ATL2: variants seen among roughly 807,000 people sequenced by gnomAD.
The protein encoded by ATL2 is atlastin GTPase 2, also known as atlastin-2.
In ATL2, 31 loss-of-function variants were observed where a neutral mutation model predicts 73.9. The observed-to-expected ratio is 0.42, with a 90% CI of 0.32 to 0.57. The LOEUF (loss-of-function observed/expected upper bound fraction) is 0.57, where lower values mean the gene tolerates loss of function less well. Among genes scored for constraint, ATL2 ranks in the 20% least tolerant of loss-of-function variants. The pLI, the probability that ATL2 is intolerant of heterozygous loss-of-function variation, is 0.14. For missense variants in ATL2, 738 were observed against 702.6 expected, an observed-to-expected ratio of 1.05 and a Z score of -0.57; for synonymous variants, 291 against 237.5, an observed-to-expected ratio of 1.23 and a Z score of -2.07.
intron 1 of ATL2, among the ~76,000 whole-genome samples, chr2:38,369,831 G>A (rs1385389641): frequency 1.3e-5 from 2 of 151,850 alleles, no homozygotes; most frequent in East Asian, 2.0e-4. Flanking sequence ...GTGTTTTCCC[G>A]TCAAAACTCC....
chr2:38,300,372 T>A (rs1263730490), intron 9 of ATL2, 44 bp from the exon 10 acceptor site: 1 of 1,366,514 alleles, frequency 7.3e-7, no homozygotes, highest in Non-Finnish European at 1.0e-6. Context: ...TTATGCAATT[T>A]GGCTCCACAT....
At chr2:38,320,832 GCAAAAACAAAAA>G (rs933990260) in intron 2 of ATL2, among the ~76,000 whole-genome samples, 1 of 151,850 alleles carries the variant, frequency 6.6e-6, no homozygotes, top group Non-Finnish European at 1.5e-5. Flanking sequence ...ACACACAGTG[GCAAAAACAAAAA>G]CAAAAACAAA....
intron 1 of ATL2, among the ~76,000 whole-genome samples, chr2:38,343,994 T>C (rs1006544112): frequency 6.6e-6 from 1 of 152,312 alleles, no homozygotes; most frequent in Non-Finnish European, 1.5e-5. Flanking sequence ...AACCTCTTTC[T>C]TTTGTAAATT....
intron 9 of ATL2, among the ~76,000 whole-genome samples, chr2:38,305,093 G>A (rs1667378920): frequency 6.6e-6 from 1 of 151,914 alleles, no homozygotes; most frequent in African/African-American, 2.4e-5. Context: ...AAAAAGAGCA[G>A]AAGAAGCTAC....
Position 38,295,860 on chromosome 2 carries a change from C to A in ATL2, c.*134G>T. Reference sequence around the variant, plus strand: ...AACAAACAATCTTCACACTCTGTGGCAGCCATCTGTGAAGCCAGTTACACT... The same window carrying A: ...AACAAACAATCTTCACACTCTGTGGAAGCCATCTGTGAAGCCAGTTACACT... On this transcript the variant is annotated 3_prime_UTR_variant, in exon 13 of 13. Transcript: ENST00000378954. 2.9e-6 allele frequency: 2 copies of A among 698,220 alleles called. No homozygotes were observed. Among genetic ancestry groups the A allele is most frequent in the Non-Finnish European group, 4.6e-6 (2 of 434,086 alleles). The allele number at this position is 698,220 out of a possible 1,614,324, so 43.3% of individuals were successfully genotyped here. A position where few individuals can be genotyped will look rare whatever the true frequency, so the allele number is the denominator to read the frequency against.
At chr2:38,338,175 G>A (rs1287136952) in intron 2 of ATL2, among the ~76,000 whole-genome samples, 1 of 152,178 alleles carries the variant, frequency 6.6e-6, no homozygotes, top group Non-Finnish European at 1.5e-5. Context: ...GGATGCTGCT[G>A]GAGGCCATTA....
chr2:38,370,918 A>G (rs1012040028), intron 1 of ATL2, among the ~76,000 whole-genome samples: 3 of 151,830 alleles, frequency 2.0e-5, no homozygotes, highest in African/African-American at 7.3e-5. Flanking sequence ...TGATTGAGCC[A>G]CTGCACTCCA....
At chr2:38,305,337 C>G (rs977159669) in intron 9 of ATL2, among the ~76,000 whole-genome samples, 8 of 152,162 alleles carry the variant, frequency 5.3e-5, no homozygotes, top group Admixed American at 3.3e-4. Flanking sequence ...CACTTGACGT[C>G]AGGAGTTTGA....
At chr2:38,361,315 C>G (rs916822730) in intron 1 of ATL2, among the ~76,000 whole-genome samples, 1 of 143,724 alleles carries the variant, frequency 7.0e-6, no homozygotes, top group Non-Finnish European at 1.5e-5. Context: ...GATCGCGCCA[C>G]TGCACGCCAG....
chr2:38,335,770 G>A (rs561692389), intron 2 of ATL2, among the ~76,000 whole-genome samples: 208 of 152,212 alleles, frequency 1.4e-3, no homozygotes, highest in African/African-American at 4.7e-3. Flanking sequence ...GGCCGGGCGC[G>A]GTGGCTCACG....
chr2:38,369,508 G>C (rs1383209614), intron 1 of ATL2, among the ~76,000 whole-genome samples: 1 of 150,366 alleles, frequency 6.7e-6, no homozygotes, highest in Non-Finnish European at 1.5e-5. Flanking sequence ...GGCTGGTCTC[G>C]AACTCCTGAC....
intron 1 of ATL2, among the ~76,000 whole-genome samples, chr2:38,357,651 CAAAAAAAAAAAAAA>C (rs1212548216): frequency 2.6e-4 from 17 of 66,352 alleles, no homozygotes; most frequent in Non-Finnish European, 4.7e-4. Context: ...GACTCCGTCT[CAAAAAAAAAAAAAA>C]AAAAAAACCT....
intron 2 of ATL2, among the ~76,000 whole-genome samples, chr2:38,340,359 G>C (rs1349772604): frequency 6.6e-6 from 1 of 151,652 alleles, no homozygotes; most frequent in East Asian, 1.9e-4. Flanking sequence ...TTAAGGAAAA[G>C]ATACATTTAT....
intron 2 of ATL2, among the ~76,000 whole-genome samples, chr2:38,331,070 G>T (rs1668959386): frequency 6.6e-6 from 1 of 151,934 alleles, no homozygotes; most frequent in African/African-American, 2.4e-5. Context: ...TGGGAGGCAG[G>T]CAGATTGCCT....
intron 2 of ATL2, among the ~76,000 whole-genome samples, chr2:38,332,258 G>T (rs942005984): frequency 2.0e-5 from 3 of 152,234 alleles, no homozygotes; most frequent in Admixed American, 1.3e-4. Flanking sequence ...CCAGACTGGA[G>T]TGCAATAGCA....
intron 1 of ATL2, among the ~76,000 whole-genome samples, chr2:38,367,812 T>C (rs972319518): frequency 4.0e-5 from 6 of 151,310 alleles, no homozygotes; most frequent in Non-Finnish European, 8.8e-5. Context: ...TTTGTATTTT[T>C]AGTAGAGATG....
At chr2:38,315,473 A>G in intron 4 of ATL2, 139 bp from the exon 5 acceptor site, 2 of 833,392 alleles carry the variant, frequency 2.4e-6, no homozygotes, top group Non-Finnish European at 3.5e-6. Context: ...TTGACAACTG[A>G]CATGTGAAAA....
rs1244489584 is a variant in ATL2 at position 38,296,070 on chromosome 2, C to T, written c.1676G>A (p.Arg559Lys). The T allele has an allele frequency of 6.4e-7, 1 of 1,551,532 alleles. No homozygotes were observed. Among genetic ancestry groups the T allele is most frequent in the South Asian group, 1.2e-5 (1 of 84,042 alleles). The change falls in exon 13 of 13, where the codon AGG becomes AAG. Residue 559 changes from arginine (R) to lysine (K), a missense_variant. Coordinates refer to ENST00000378954, the MANE Select transcript of ATL2 (RefSeq NM_001135673.4). The stretch of plus-strand genomic sequence containing the variant: ...TTTGATAGAGTTTGTTACAGACTGC[C>T]TTATGTTTTCCTCCATCAAATTATC... Reference protein sequence around the residue: ...LGDNLMEENIRQSVTNSIKAG... With the variant: ...LGDNLMEENIKQSVTNSIKAG...
chr2:38,377,036 C>CCG (rs1672016249), intron 1 of ATL2, 107 bp downstream of exon 1: 1 of 1,028,178 alleles, frequency 9.7e-7, no homozygotes, highest in African/African-American at 1.7e-5. Context: ...GAGACCTGAA[C>CCG]CAGCCGCGGA....
Sources: allele counts gnomAD v4.1 joint callset (sites outside exome capture counted in the v4.1 genomes callset), GRCh38; gene constraint gnomAD v4.1.1; transcripts MANE v1.5; gene names NCBI Gene and HGNC (gene_info 2026-07-23, HGNC 2026-07-21).